HS1BP3: variants seen among roughly 807,000 people sequenced by gnomAD.
HS1BP3 encodes the protein HCLS1 binding protein 3, also known as HCLS1-binding protein 3.
In HS1BP3, 32 loss-of-function variants were observed where a neutral mutation model predicts 33.5. The ratio of observed to expected loss-of-function variants is 0.95; its 90% CI spans 0.72 to 1.28. The LOEUF (loss-of-function observed/expected upper bound fraction) is 1.28. Ranked by LOEUF, HS1BP3 falls within the 50% of genes most tolerant of loss-of-function variation. The probability of loss-of-function intolerance (pLI) is 0.00; values close to 1 mark genes in which losing one functional copy is unlikely to be tolerated. For synonymous variants in HS1BP3, 187 were observed against 209.2 expected, an observed-to-expected ratio of 0.89 and a Z score of 0.92; for missense variants, 486 against 502.3, an observed-to-expected ratio of 0.97 and a Z score of 0.31.
At chr2:20,641,992 G>A (rs1454429690) in intron 2 of HS1BP3, among the ~76,000 whole-genome samples, 3 of 152,342 alleles carry the variant, frequency 2.0e-5, no homozygotes, top group Admixed American at 6.5e-5. Context: ...GGTGCTCAGC[G>A]AAGTCACCTG....
downstream of HS1BP3, chr2:20,591,095 T>C (rs991175681): frequency 1.2e-5 from 2 of 167,090 alleles, no homozygotes; most frequent in African/African-American, 2.4e-5. Flanking sequence ...GCTGGTTACG[T>C]TGGGAGGCCT....
At chr2:20,631,005 C>T (rs1014395172) in intron 4 of HS1BP3, among the ~76,000 whole-genome samples, 1 of 152,128 alleles carries the variant, frequency 6.6e-6, no homozygotes, top group African/African-American at 2.4e-5. Context: ...GGATCTGGAC[C>T]AGTCACTCAA....
intron 6 of HS1BP3, among the ~76,000 whole-genome samples, chr2:20,621,989 T>G (rs1477536494): frequency 6.6e-6 from 1 of 151,882 alleles, no homozygotes; most frequent in Non-Finnish European, 1.5e-5. Flanking sequence ...CCTGGCCCCA[T>G]TCCTTCTCCC....
chr2:20,616,004 C>T (rs1028109412), downstream of HS1BP3, among the ~76,000 whole-genome samples: 2 of 152,212 alleles, frequency 1.3e-5, no homozygotes, highest in Admixed American at 1.3e-4. Flanking sequence ...GCCTGAGTTC[C>T]CGGCTTCCTA....
At chr2:20,637,948 C>T (rs1572356954) in intron 4 of HS1BP3, 3 of 178,202 alleles carry the variant, frequency 1.7e-5, no homozygotes, top group East Asian at 1.5e-4. Flanking sequence ...TGAGGAAAAC[C>T]GAAGAAAAGA....
chr2:20,622,575 T>TCTTCAA (rs144482569), intron 6 of HS1BP3: 17,657 of 341,176 alleles, frequency 0.052, 566 homozygotes, highest in African/African-American at 0.076. Context: ...CCTTTGAAGA[T>TCTTCAA]AGCCTTTGAC....
chr2:20,640,504 C>T (rs1180865678), intron 3 of HS1BP3: 2 of 370,754 alleles, frequency 5.4e-6, no homozygotes, highest in South Asian at 1.0e-4. Flanking sequence ...CCATGACCCT[C>T]TCTGTGGGGG....
chr2:20,606,702 T>C lies in HS1BP3; in HGVS notation c.179-8437A>G, dbSNP rs114025525. The C allele has an allele frequency of 3.9e-3, 1,063 of 274,206 alleles. 12 individuals carry two copies. The highest frequency in any genetic ancestry group is 0.021 in the African/African-American group (960 of 45,110). 17.0% of individuals were successfully genotyped at this position (274,206 alleles called of 1,614,324 possible). ...TGAACGCTACAGCCTCGCTAAGATG[T>C]CAGACAAAAAGACACTGAACATATT... On this transcript the variant is annotated intron_variant, in intron 2 of 3. Transcript: ENST00000415264.
intron 5 of HS1BP3, among the ~76,000 whole-genome samples, chr2:20,570,855 G>T (rs189545095): frequency 2.0e-5 from 3 of 152,176 alleles, no homozygotes; most frequent in Non-Finnish European, 4.4e-5. Flanking sequence ...TTGCATAAAG[G>T]GTCACTGTTT....
intron 1 of HS1BP3, among the ~76,000 whole-genome samples, chr2:20,649,355 G>C (rs143041848): frequency 1.4e-4 from 21 of 152,278 alleles, no homozygotes; most frequent in Admixed American, 5.2e-4. Context: ...CTCCCTCATG[G>C]AGCTTGTCCG....
At chr2:20,595,210 C>T (rs1693915990) in intron 3 of HS1BP3, among the ~76,000 whole-genome samples, 1 of 152,120 alleles carries the variant, frequency 6.6e-6, no homozygotes, top group South Asian at 2.1e-4. Context: ...TCAGTCTGGA[C>T]AGATGGCTGT....
downstream of HS1BP3, chr2:20,590,992 G>A (rs1693798660): frequency 6.0e-6 from 1 of 167,234 alleles, no homozygotes; most frequent in Non-Finnish European, 1.5e-5. Context: ...CCATCAGGCT[G>A]CCCAGGTCCC....
downstream of HS1BP3, chr2:20,617,808 C>T (rs756232185): frequency 5.2e-5 from 8 of 152,606 alleles, no homozygotes; most frequent in Non-Finnish European, 8.8e-5. Flanking sequence ...AGAATTATAT[C>T]CAAGAAAGAC....
At chr2:20,564,075 A>G (rs984609837) in intron 5 of HS1BP3, among the ~76,000 whole-genome samples, 2 of 152,248 alleles carry the variant, frequency 1.3e-5, no homozygotes, top group African/African-American at 2.4e-5. Context: ...CGGCAAGTCC[A>G]GAGTGAACGT....
intron 3 of HS1BP3, among the ~76,000 whole-genome samples, chr2:20,595,017 A>T (rs1475557456): frequency 6.6e-6 from 1 of 152,124 alleles, no homozygotes; most frequent in African/African-American, 2.4e-5. Context: ...AAACACTCAG[A>T]TCATAGCATC....
chr2:20,638,953 T>C (rs1390410278), intron 3 of HS1BP3, among the ~76,000 whole-genome samples: 1 of 152,160 alleles, frequency 6.6e-6, no homozygotes, highest in South Asian at 2.1e-4. Context: ...GGGGCAGCGG[T>C]TCCTGAACCC....
intron 2 of HS1BP3, among the ~76,000 whole-genome samples, chr2:20,603,814 T>C (rs1694118721): frequency 6.6e-6 from 1 of 152,250 alleles, no homozygotes. Flanking sequence ...AGACTGTTAA[T>C]GGGAACCCAG....
Position 20,641,000 on chromosome 2 carries a change from C to T in HS1BP3, c.379G>A (p.Gly127Ser), listed in dbSNP as rs1248824376. The T allele has an allele frequency of 6.2e-7, 1 of 1,614,202 alleles. No individual in the cohort carries two copies. The highest frequency in any genetic ancestry group is 1.7e-5 in the Admixed American group (1 of 60,020). ...AAGAACTCTAGCAGCTCTGGGCTGC[C>T]TGCCAACTCGGCATCCTTGGAGACA... ...RCVSKDAELA[G>S]SPELLEFLGT... is the part of the protein sequence containing the mutation. The change falls in exon 3 of 7, where the codon GGC (glycine) becomes AGC (serine). Residue 127 changes from glycine to serine, a missense_variant. Physicochemically the swap from Gly to Ser is moderately conservative, Grantham distance 56 (BLOSUM62 0). Transcript: ENST00000304031.
intron 2 of HS1BP3, among the ~76,000 whole-genome samples, chr2:20,605,650 C>T (rs1268887630): frequency 6.6e-6 from 1 of 152,196 alleles, no homozygotes. Context: ...TCTGTCTTTT[C>T]TGGGTATTTC....
Sources: gnomAD v4.1 joint callset for allele counts (sites outside exome capture counted in the v4.1 genomes callset) on GRCh38, gnomAD v4.1.1 for gene constraint, MANE v1.5 for transcripts, NCBI Gene and HGNC (gene_info 2026-07-23, HGNC 2026-07-21) for gene names.